The following DENND6A variants were observed in gnomAD, a reference collection of about 807,000 sequenced individuals.
The protein encoded by DENND6A is protein DENND6A.
Under a neutral mutation model 95.5 loss-of-function variants are expected in DENND6A, and 43 were observed. That is an observed-to-expected ratio of 0.45 (90% CI 0.35 to 0.58). The LOEUF (loss-of-function observed/expected upper bound fraction) is 0.58. Among genes scored for constraint, DENND6A ranks in the 20% least tolerant of loss-of-function variants. The probability of loss-of-function intolerance (pLI) is 0.00; values close to 1 mark genes in which losing one functional copy is unlikely to be tolerated. For missense variants in DENND6A, 574 were observed against 736.0 expected (o/e 0.78, Z 2.55); for synonymous variants, 257 against 260.4 (o/e 0.99, Z 0.13).
chr3:57,689,424 C>T lies in DENND6A; in HGVS notation c.237+3358G>A, dbSNP rs117614867. Among the ~76,000 whole-genome samples, 276 of 152,132 alleles carry T rather than the reference C, an allele frequency of 1.8e-3. 3 individuals carry two copies. The East Asian group carries it at 0.03, about 16-fold the overall frequency. The stretch of plus-strand genomic sequence containing the variant: ...AAAAGTGAGGTACAGTATATCAAAC[C>T]CAGGAGGTTTCAAACCTTGTTCCAG... On this transcript the variant is annotated intron_variant, in intron 1 of 19. Coordinates refer to ENST00000311128, the MANE Select transcript of DENND6A (RefSeq NM_152678.3).
Position 57,657,714 on chromosome 3 carries a change from TA to T in DENND6A, c.783del (p.Ile262PhefsTer58). ...LTQQVDTNIS[V>X]ILPTVHEVDI... ...TCCACCTCATGAACAGTAGGTAAAA[TA>T]ACAGATATATTTGTGTCCACCTGAG... On this transcript the variant is annotated frameshift_variant, in exon 9 of 20. Transcript: ENST00000311128. LOFTEE classifies it high-confidence loss of function. The T allele has an allele frequency of 6.3e-7, 1 of 1,584,060 alleles. No homozygotes were observed. Among genetic ancestry groups the T allele is most frequent in the Non-Finnish European group, 8.6e-7 (1 of 1,161,642 alleles).
intron 1 of DENND6A, among the ~76,000 whole-genome samples, chr3:57,678,438 T>TC (rs1160124832): frequency 2.0e-5 from 3 of 152,238 alleles, no homozygotes; most frequent in African/African-American, 7.2e-5. Flanking sequence ...AGATAAGATT[T>TC]TTTTTTCCAG....
intron 14 of DENND6A, 38 bp downstream of exon 14, chr3:57,634,520 C>T (rs1254332161): frequency 4.3e-6 from 5 of 1,168,364 alleles, no homozygotes; most frequent in Non-Finnish European, 5.8e-6. Flanking sequence ...CATACCTGAA[C>T]AAGGAAATTT....
At chr3:57,630,867 A>G (rs754345169) in intron 16 of DENND6A, 43 bp from the exon 17 acceptor site, 3 of 1,610,538 alleles carry the variant, frequency 1.9e-6, no homozygotes, top group African/African-American at 2.7e-5. Context: ...AGGAGTGGAT[A>G]TGTTCACAGA....
chr3:57,676,003 A>G (rs1287033263), intron 1 of DENND6A, among the ~76,000 whole-genome samples: 1 of 151,968 alleles, frequency 6.6e-6, no homozygotes, highest in Non-Finnish European at 1.5e-5. Flanking sequence ...CCCCAAGCAC[A>G]TAAAGGCTGC....
chr3:57,692,985 CGGGCCCCAAGCCCGCA>C lies in DENND6A; in HGVS notation c.18_33del (p.Gly8LeufsTer68). The C allele has an allele frequency of 6.6e-7, 1 of 1,521,058 alleles. No individual in the cohort carries two copies. Among genetic ancestry groups the C allele is most frequent in the Non-Finnish European group, 8.7e-7 (1 of 1,143,936 alleles). The allele number at this position is 1,521,058 out of a possible 1,614,324, so 94.2% of individuals were successfully genotyped here. A position where few individuals can be genotyped will look rare whatever the true frequency, so the allele number is the denominator to read the frequency against. ...GCTTCGTCCAACGGCCTTCGAGAGC[CGGGCCCCAAGCCCGCA>C]GGGCCCCTCAAAGCCATCGGCCGCC... On this transcript the variant is annotated frameshift_variant, in exon 1 of 20. Coordinates refer to ENST00000311128, the MANE Select transcript of DENND6A (RefSeq NM_152678.3). LOFTEE classifies it high-confidence loss of function.
At chr3:57,629,667 A>G in intron 18 of DENND6A, among the ~76,000 whole-genome samples, 1 of 148,174 alleles carries the variant, frequency 6.7e-6, no homozygotes, top group East Asian at 2.0e-4. Flanking sequence ...GCCTGCCACC[A>G]CGCCCGGCTA....
At chr3:57,662,456 T>C (rs909984253) in intron 5 of DENND6A, among the ~76,000 whole-genome samples, 1 of 152,018 alleles carries the variant, frequency 6.6e-6, no homozygotes, top group African/African-American at 2.4e-5. Context: ...GCCCACCTTG[T>C]CCTCCCGAAG....
intron 9 of DENND6A, among the ~76,000 whole-genome samples, chr3:57,650,266 A>T (rs1559814564): frequency 6.6e-6 from 1 of 151,768 alleles, no homozygotes; most frequent in Non-Finnish European, 1.5e-5. Flanking sequence ...ACCAAACACC[A>T]CCTATTCCCC....
At chr3:57,629,486 C>T (rs1425257363) in intron 18 of DENND6A, among the ~76,000 whole-genome samples, 1 of 133,388 alleles carries the variant, frequency 7.5e-6, no homozygotes, top group Admixed American at 7.7e-5. Context: ...TAATACAGAA[C>T]ATAAAAAAAA....
chr3:57,661,154 A>G (rs2071416938), intron 6 of DENND6A, among the ~76,000 whole-genome samples: 1 of 152,238 alleles, frequency 6.6e-6, no homozygotes, highest in Non-Finnish European at 1.5e-5. Context: ...AGCAAGTGAC[A>G]TAAGGATTTT....
rs1241661220 is a variant in DENND6A, at chr3:57,641,167, A to G, written c.1132+486T>C. Among the ~76,000 whole-genome samples the G allele has an allele frequency of 2.7e-5, 4 of 145,804 alleles. No individual in the cohort carries two copies. In the East Asian group the frequency reaches 7.8e-4, roughly 28 times the overall value. On this transcript the variant is annotated intron_variant, in intron 12 of 19. Coordinates refer to ENST00000311128, the MANE Select transcript of DENND6A (RefSeq NM_152678.3). Reference sequence around the variant, plus strand: ...TTTTATTGGGCTTTTAAATATATATATAGTATATTTAAATATATATTTATA... The same window carrying G: ...TTTTATTGGGCTTTTAAATATATATGTAGTATATTTAAATATATATTTATA...
chr3:57,673,213 CAAAAAAAA>C (rs386396751), intron 1 of DENND6A, among the ~76,000 whole-genome samples: 149 of 70,698 alleles, frequency 2.1e-3, no homozygotes, highest in African/African-American at 9.7e-3. Flanking sequence ...CATTTCGTAT[CAAAAAAAA>C]AAAAAAAAAA....
chr3:57,630,278 G>T, intron 18 of DENND6A, 143 bp downstream of exon 18: 1 of 650,522 alleles, frequency 1.5e-6, no homozygotes, highest in Non-Finnish European at 2.5e-6. Flanking sequence ...TAATGTCCTT[G>T]GCACATAGCA....
chr3:57,666,723 G>A (rs1487003807), intron 3 of DENND6A, among the ~76,000 whole-genome samples: 1 of 152,168 alleles, frequency 6.6e-6, no homozygotes, highest in Non-Finnish European at 1.5e-5. Flanking sequence ...ACATTTGGAG[G>A]AAAGATTCAC....
At chr3:57,645,636 G>A in intron 11 of DENND6A, 25 bp downstream of exon 11, 1 of 1,546,410 alleles carries the variant, frequency 6.5e-7, no homozygotes. Flanking sequence ...GTAATACCTG[G>A]TCAATAGAAG....
Position 57,660,790 on chromosome 3 carries a change from T to C in DENND6A, c.669A>G (p.Leu223=), listed in dbSNP as rs1231402234. The stretch of plus-strand genomic sequence containing the variant: ...TTACCACCCCCATGATTGGCAGGTG[T>C]AATGTTTTCCCTGGCACTGGGGCAG... The part of the protein sequence containing the change: ...RWPAPVPGKT[L]HLPIMGVVMK... The change falls in exon 7 of 20, where the codon TTA becomes TTG. Residue 223 remains leucine (L), a synonymous_variant. Coordinates refer to ENST00000311128, the MANE Select transcript of DENND6A (RefSeq NM_152678.3). The C allele has an allele frequency of 6.2e-7, 1 of 1,610,392 alleles. No individual in the cohort carries two copies. Among genetic ancestry groups the C allele is most frequent in the Admixed American group, 1.7e-5 (1 of 59,676 alleles).
chr3:57,641,847 AG>A (rs1430283645), intron 11 of DENND6A, 100 bp from the exon 12 acceptor site: 1 of 950,790 alleles, frequency 1.1e-6, no homozygotes, highest in Non-Finnish European at 1.6e-6. Context: ...AACAATACAC[AG>A]ATTGATTTTT....
At chr3:57,660,196 C>CTTT (rs11285527) in intron 7 of DENND6A, among the ~76,000 whole-genome samples, 1 of 139,114 alleles carries the variant, frequency 7.2e-6, no homozygotes, top group South Asian at 2.3e-4. Flanking sequence ...CTACAAAGTT[C>CTTT]TTTTTTTTTT....
Sources: allele counts gnomAD v4.1 joint callset (sites outside exome capture counted in the v4.1 genomes callset), GRCh38; gene constraint gnomAD v4.1.1; transcripts MANE v1.5; gene names NCBI Gene and HGNC (gene_info 2026-07-23, HGNC 2026-07-21).